RGS6: variants seen among roughly 807,000 people sequenced by gnomAD.
RGS6 encodes regulator of G protein signaling 6.
RGS6 carries 30 observed loss-of-function variants against 78.5 expected under a neutral mutation model. The observed-to-expected ratio is 0.38, with a 90% CI of 0.29 to 0.52. The LOEUF is 0.52. RGS6 is among the 20% of genes least tolerant of loss of function. The pLI, the probability that RGS6 is intolerant of heterozygous loss-of-function variation, is 0.85. For missense variants in RGS6, 495 were observed against 609.7 expected (o/e 0.81, Z 1.98); for synonymous variants, 206 against 206.0 (o/e 1.00, Z 0.00).
chr14:72,206,900 G>A (rs2042849146), intron 2 of RGS6, among the ~76,000 whole-genome samples: 1 of 152,016 alleles, frequency 6.6e-6, no homozygotes, highest in African/African-American at 2.4e-5. Flanking sequence ...TTGTTTGGAA[G>A]GATACACACC....
intron 2 of RGS6, among the ~76,000 whole-genome samples, chr14:72,000,778 A>G (rs781314270): frequency 6.6e-6 from 1 of 152,190 alleles, no homozygotes; most frequent in Non-Finnish European, 1.5e-5. Context: ...AAACCACTGG[A>G]TTTGGTGACC....
intron 2 of RGS6, among the ~76,000 whole-genome samples, chr14:72,036,148 C>T (rs1447423232): frequency 6.6e-6 from 1 of 151,812 alleles, no homozygotes; most frequent in Non-Finnish European, 1.5e-5. Flanking sequence ...AGACTGGCGT[C>T]TTTCACTCTG....
chr14:72,235,005 A>G (rs847300), intron 2 of RGS6, among the ~76,000 whole-genome samples: 150,119 of 152,302 alleles, frequency 0.99, 73,993 homozygotes, highest in East Asian at 1. Context: ...CAATTGAGTC[A>G]ACTAGATGGC....
rs577475864 is a variant in RGS6, at chr14:72,196,957, C to T, written c.85-155138C>T. Among the ~76,000 whole-genome samples, 50 of 152,306 alleles carry T rather than the reference C, an allele frequency of 3.3e-4. 1 individual carries two copies. The highest frequency in any genetic ancestry group is 5.6e-4 in the Non-Finnish European group (38 of 68,038). On this transcript the variant is annotated intron_variant, in intron 2 of 17. Coordinates refer to ENST00000553525, the MANE Select transcript of RGS6 (RefSeq NM_001204424.2). ...TTAAATTGCTTGAATTATTGAGGGA[C>T]ATTTTGACCTCTTGTTGGACCAATG...
the RGS6 span, among the ~76,000 whole-genome samples, chr14:71,911,759 C>G: frequency 6.6e-6 from 1 of 152,216 alleles, no homozygotes; most frequent in African/African-American, 2.4e-5. Flanking sequence ...ATGCAGCCTG[C>G]TGGCTGGCCA....
At chr14:72,254,328 G>A (rs1193892354) in intron 2 of RGS6, among the ~76,000 whole-genome samples, 3 of 152,184 alleles carry the variant, frequency 2.0e-5, no homozygotes, top group Non-Finnish European at 4.4e-5. Flanking sequence ...GACAGTGCAG[G>A]TTCATTGAAG....
chr14:72,138,606 C>G lies in RGS6; in HGVS notation c.84+173731C>G, dbSNP rs1028089347. On this transcript the variant is annotated intron_variant, in intron 2 of 17. Transcript: ENST00000553525. ...GTGGCCTTTTAGGAACTGGACCACA[C>G]AGCAGGAGGTGAGCAGTGGGCGAGT... 4.3e-4 allele frequency among the ~76,000 whole-genome samples: 66 copies of G among 151,974 alleles called. 1 individual carries two copies. Among genetic ancestry groups the G allele is most frequent in the Non-Finnish European group, 7.4e-5 (5 of 67,992 alleles).
In RGS6 at chr14:72,275,957, C is replaced by A. The variant is rs538200579; in HGVS notation, c.85-76138C>A. On this transcript the variant is annotated intron_variant, in intron 2 of 17. Coordinates refer to ENST00000553525, the MANE Select transcript of RGS6 (RefSeq NM_001204424.2). ...GAAAACTTCTCTCCAACGTCTAGAC[C>A]TCTCTATCCCATGAGACTTTGGGGA... Among the ~76,000 whole-genome samples the A allele has an allele frequency of 2.6e-5, 4 of 152,262 alleles. No homozygotes were observed. The South Asian group carries it at 8.3e-4, about 32-fold the overall frequency.
intron 2 of RGS6, among the ~76,000 whole-genome samples, chr14:72,021,782 A>T (rs1244391088): frequency 3.4e-5 from 5 of 148,704 alleles, no homozygotes; most frequent in African/African-American, 7.4e-5. Context: ...TTTTTTTTTT[A>T]AAGTTTTATT....
intron 2 of RGS6, among the ~76,000 whole-genome samples, chr14:72,192,019 A>C (rs2158989): frequency 0.43 from 65,931 of 151,614 alleles, 14,330 homozygotes; most frequent in Middle Eastern, 0.55. Context: ...GCAAGCAGAC[A>C]TGCACGTGGG....
chr14:72,039,804 G>A (rs895649617), intron 2 of RGS6, among the ~76,000 whole-genome samples: 2 of 67,158 alleles, frequency 3.0e-5, no homozygotes, highest in Non-Finnish European at 6.1e-5. Context: ...CTTCTTTTGT[G>A]TTTCATTGAT....
At chr14:72,458,949 G>A (rs1326446664) in intron 5 of RGS6, among the ~76,000 whole-genome samples, 1 of 152,208 alleles carries the variant, frequency 6.6e-6, no homozygotes, top group Non-Finnish European at 1.5e-5. Flanking sequence ...TAGACACTTT[G>A]TACAGATTTC....
chr14:72,156,513 T>TG (rs2096774402), intron 2 of RGS6, among the ~76,000 whole-genome samples: 1 of 151,300 alleles, frequency 6.6e-6, no homozygotes, highest in East Asian at 1.9e-4. Flanking sequence ...AAAACAGAGT[T>TG]GTGATACATG....
the RGS6 span, among the ~76,000 whole-genome samples, chr14:72,611,607 T>C: frequency 1.7e-4 from 26 of 151,736 alleles, no homozygotes; most frequent in African/African-American, 6.0e-4. Flanking sequence ...CAGTTGCACC[T>C]CCCTGCCTTC....
intron 2 of RGS6, among the ~76,000 whole-genome samples, chr14:72,049,602 A>G (rs1201996699): frequency 6.6e-6 from 1 of 152,208 alleles, no homozygotes; most frequent in African/African-American, 2.4e-5. Flanking sequence ...GGGTGTGGAC[A>G]TGTCACTGCC....
chr14:72,252,755 T>C (rs1367095745), intron 2 of RGS6, among the ~76,000 whole-genome samples: 1 of 152,124 alleles, frequency 6.6e-6, no homozygotes, highest in Non-Finnish European at 1.5e-5. Context: ...TGCATTAACA[T>C]GAAAATGTTG....
At chr14:72,111,546 A>G (rs1229311186) in intron 2 of RGS6, among the ~76,000 whole-genome samples, 2 of 152,216 alleles carry the variant, frequency 1.3e-5, no homozygotes, top group Non-Finnish European at 2.9e-5. Flanking sequence ...TGTCTTCAAA[A>G]TACGCTTTGA....
At chr14:71,883,564 A>C in the RGS6 span, among the ~76,000 whole-genome samples, 1 of 152,200 alleles carries the variant, frequency 6.6e-6, no homozygotes. Context: ...TATAAGGCTG[A>C]GACCTACTGG....
chr14:72,412,273 A>G (rs1010188173), intron 3 of RGS6, among the ~76,000 whole-genome samples: 1 of 152,144 alleles, frequency 6.6e-6, no homozygotes, highest in Non-Finnish European at 1.5e-5. Context: ...CAGAGATTCA[A>G]CTTCTTCCTG....
Sources: gnomAD v4.1 joint callset for allele counts (sites outside exome capture counted in the v4.1 genomes callset) on GRCh38, gnomAD v4.1.1 for gene constraint, MANE v1.5 for transcripts, NCBI Gene and HGNC (gene_info 2026-07-23, HGNC 2026-07-21) for gene names.